Variants in SORT1 observed in about 807,000 individuals in gnomAD.
SORT1 encodes the protein sortilin 1.
A neutral mutation model predicts 101.7 loss-of-function variants in SORT1; 39 were observed. That is an observed-to-expected ratio of 0.38 (90% CI 0.30 to 0.50). The LOEUF (loss-of-function observed/expected upper bound fraction) is 0.50, where lower values mean the gene tolerates loss of function less well. SORT1 is among the 20% of genes least tolerant of loss of function. The pLI is 0.90. For synonymous variants in SORT1, 396 were observed against 393.7 expected (o/e 1.01, Z -0.07); for missense variants, 878 against 1,040.4 (o/e 0.84, Z 2.15).
chr1:109,337,433 G>A (rs1308109646), intron 10 of SORT1, among the ~76,000 whole-genome samples: 1 of 151,886 alleles, frequency 6.6e-6, no homozygotes, highest in Admixed American at 6.6e-5. Flanking sequence ...AGTAGAGACG[G>A]GGTTTCACCA....
At chr1:109,369,486 ATCT>A (rs1557815883) in intron 2 of SORT1, 41 bp downstream of exon 2, 1 of 1,254,840 alleles carries the variant, frequency 8.0e-7, no homozygotes, top group East Asian at 2.3e-5. Context: ...ATCTGTTATC[ATCT>A]TCTTGCTGGG....
intron 19 of SORT1, 67 bp from the exon 20 acceptor site, chr1:109,314,124 T>C (rs189600060): frequency 6.2e-7 from 1 of 1,606,618 alleles, no homozygotes; most frequent in African/African-American, 1.3e-5. Flanking sequence ...AATCACCTAG[T>C]TTCTGGGCTT....
intron 3 of SORT1, among the ~76,000 whole-genome samples, chr1:109,357,825 A>T (rs567792436): frequency 3.0e-4 from 46 of 152,316 alleles, no homozygotes; most frequent in African/African-American, 1.1e-3. Context: ...GCGCCACCCA[A>T]CAGAGTCCTA....
At chr1:109,358,434 A>C (rs1421529904) in intron 3 of SORT1, among the ~76,000 whole-genome samples, 1 of 152,334 alleles carries the variant, frequency 6.6e-6, no homozygotes, top group East Asian at 1.9e-4. Context: ...TATGTCACGA[A>C]GAGGAAATTG....
At chr1:109,365,596 C>G (rs1651032908) in intron 3 of SORT1, among the ~76,000 whole-genome samples, 1 of 152,068 alleles carries the variant, frequency 6.6e-6, no homozygotes. Context: ...ATAGTCAATC[C>G]TATATTTAAA....
At chr1:109,360,606 G>C (rs955952836) in intron 3 of SORT1, among the ~76,000 whole-genome samples, 17 of 151,860 alleles carry the variant, frequency 1.1e-4, no homozygotes, top group African/African-American at 3.6e-4. Flanking sequence ...CAAAGTGCTG[G>C]GATTACAAGT....
At chr1:109,333,629 C>T (rs1201143678) in intron 11 of SORT1, among the ~76,000 whole-genome samples, 4 of 151,986 alleles carry the variant, frequency 2.6e-5, no homozygotes, top group African/African-American at 9.7e-5. Context: ...ATATAAATGG[C>T]CAACAGGTAT....
At chr1:109,322,633 ATTC>A (rs1465657014) in intron 15 of SORT1, among the ~76,000 whole-genome samples, 3 of 147,608 alleles carry the variant, frequency 2.0e-5, no homozygotes, top group Non-Finnish European at 4.5e-5. Flanking sequence ...GGTTCAAGTG[ATTC>A]TTGTGTCTCA....
intron 1 of SORT1, among the ~76,000 whole-genome samples, chr1:109,377,145 T>C (rs1006204367): frequency 6.6e-6 from 1 of 152,202 alleles, no homozygotes; most frequent in Non-Finnish European, 1.5e-5. Context: ...TAACTATTTA[T>C]ATTTATATAT....
chr1:109,388,425 C>A (rs1652713828), intron 1 of SORT1, among the ~76,000 whole-genome samples: 1 of 148,680 alleles, frequency 6.7e-6, no homozygotes, highest in Non-Finnish European at 1.5e-5. Context: ...TTTTTTTATA[C>A]AGATGGGGTC....
chr1:109,373,020 A>G (rs1651586894), intron 1 of SORT1, among the ~76,000 whole-genome samples: 2 of 152,208 alleles, frequency 1.3e-5, no homozygotes, highest in African/African-American at 4.8e-5. Context: ...GCGCCACTGC[A>G]CTCTAGCCTG....
intron 6 of SORT1, among the ~76,000 whole-genome samples, chr1:109,349,501 C>T (rs1396252082): frequency 6.6e-6 from 1 of 151,954 alleles, no homozygotes; most frequent in Non-Finnish European, 1.5e-5. Flanking sequence ...CATGGTAGCC[C>T]ATACCTATAA....
rs112712610 is a variant in SORT1, at chr1:109,338,364, A to C, written c.1265-2018T>G. On this transcript the variant is annotated intron_variant, in intron 10 of 19. Coordinates refer to ENST00000256637, the MANE Select transcript of SORT1 (RefSeq NM_002959.7). ...TGAGTCAGGGAGGAAACCGGGAGCCATATCTCCAGGACTTTGTAGGCCACT... is the reference window on the plus strand; with the variant it reads ...TGAGTCAGGGAGGAAACCGGGAGCCCTATCTCCAGGACTTTGTAGGCCACT... Among the ~76,000 whole-genome samples the C allele has an allele frequency of 5.0e-3, 760 of 152,314 alleles. 10 individuals are homozygous for C. The highest frequency in any genetic ancestry group is 0.018 in the African/African-American group (729 of 41,574).
rs185066071 is a variant in SORT1 at position 109,322,835 on chromosome 1, C to T, written c.2024+97G>A. On this transcript the variant is annotated intron_variant, in intron 15 of 19. Transcript: ENST00000256637. ...GATTACAGGTGTGAGCCACCGCACC[C>T]GGCTGGATTTCAATATTTGTTAGCC... 6.7e-4 allele frequency: 679 copies of T among 1,012,354 alleles called. 4 individuals are homozygous for T. The highest frequency in any genetic ancestry group is 2.0e-3 in the Middle Eastern group (6 of 3,074). The allele number at this position is 1,012,354 out of a possible 1,614,324, so 62.7% of individuals were successfully genotyped here.
intron 15 of SORT1, among the ~76,000 whole-genome samples, chr1:109,318,657 C>T (rs1210025841): frequency 6.6e-6 from 1 of 152,028 alleles, no homozygotes; most frequent in Non-Finnish European, 1.5e-5. Flanking sequence ...TTCTTTTCTT[C>T]CCCCTCCCCG....
At position 109,334,169 on chromosome 1, in the gene SORT1, T is replaced by TG. The variant is rs527281034; in HGVS notation, c.1371+2070dup. Among the ~76,000 whole-genome samples the TG allele has an allele frequency of 1.1e-4, 16 of 151,540 alleles. No homozygotes were observed. In the East Asian group the frequency reaches 3.1e-3, roughly 29 times the overall value. ...TTTAAAAAAAAGAAAAAAAAGAAAATGAAGGACAGAACTACCAGCAATCCC... is the reference window on the plus strand; with the variant it reads ...TTTAAAAAAAAGAAAAAAAAGAAAATGGAAGGACAGAACTACCAGCAATCCC... On this transcript the variant is annotated intron_variant, in intron 11 of 19. Transcript: ENST00000256637.
intron 8 of SORT1, among the ~76,000 whole-genome samples, chr1:109,343,815 A>G (rs1649398974): frequency 6.6e-6 from 1 of 152,042 alleles, no homozygotes; most frequent in Non-Finnish European, 1.5e-5. Context: ...CGCTTGGCTA[A>G]TTTTTTGTAT....
chr1:109,361,066 CAGTCT>C (rs1650695324), intron 3 of SORT1, among the ~76,000 whole-genome samples: 1 of 152,166 alleles, frequency 6.6e-6, no homozygotes, highest in Non-Finnish European at 1.5e-5. Flanking sequence ...CCTATTATTG[CAGTCT>C]GTGCAATTTA....
chr1:109,392,648 C>T, intron 1 of SORT1: 1 of 985,152 alleles, frequency 1.0e-6, no homozygotes, highest in African/African-American at 1.7e-5. Flanking sequence ...TAGCTTTCTA[C>T]TCTCATCCCA....
Sources: allele counts gnomAD v4.1 joint callset (sites outside exome capture counted in the v4.1 genomes callset), GRCh38; gene constraint gnomAD v4.1.1; transcripts MANE v1.5; gene names NCBI Gene and HGNC (gene_info 2026-07-23, HGNC 2026-07-21).